GALK2: variants seen among roughly 807,000 people sequenced by gnomAD.
GALK2 encodes the protein N-acetylgalactosamine kinase.
GALK2 carries 36 observed loss-of-function variants against 52.4 expected under a neutral mutation model. That is an observed-to-expected ratio of 0.69 (90% CI 0.53 to 0.91). The LOEUF (loss-of-function observed/expected upper bound fraction) is 0.91, where lower values mean the gene tolerates loss of function less well. GALK2 is among the 40% of genes least tolerant of loss of function. The probability of loss-of-function intolerance (pLI) is 0.00; values close to 1 mark genes in which losing one functional copy is unlikely to be tolerated. For missense variants in GALK2, 579 were observed against 559.1 expected, an observed-to-expected ratio of 1.04 and a Z score of -0.36; for synonymous variants, 176 against 199.1, an observed-to-expected ratio of 0.88 and a Z score of 0.98.
intron 9 of GALK2, among the ~76,000 whole-genome samples, chr15:49,326,255 A>ATT (rs35381509): frequency 0.025 from 2,520 of 100,536 alleles, 28 homozygotes; most frequent in East Asian, 0.044. Context: ...TATGACAACC[A>ATT]TTTTTTTTTT....
upstream of GALK2, among the ~76,000 whole-genome samples, chr15:49,165,351 G>T (rs2084785020): frequency 1.3e-5 from 2 of 151,932 alleles, no homozygotes; most frequent in African/African-American, 4.9e-5. Context: ...TTTTTTAGAA[G>T]AGGAATTTCA....
At chr15:49,267,225 G>T (rs779619007) in intron 5 of GALK2, among the ~76,000 whole-genome samples, 15 of 152,120 alleles carry the variant, frequency 9.9e-5, no homozygotes, top group Non-Finnish European at 1.5e-4. Context: ...GCCAGTGAAT[G>T]GGAAATTAAA....
intron 8 of GALK2, among the ~76,000 whole-genome samples, chr15:49,292,875 C>CT (rs1439813984): frequency 6.6e-6 from 1 of 152,102 alleles, no homozygotes; most frequent in Non-Finnish European, 1.5e-5. Context: ...ACTGCTCTAA[C>CT]TCTGTGAAAC....
Position 49,328,125 on chromosome 15 carries a change from C to T in GALK2, c.1343C>T (p.Pro448Leu). ...AAGCAAAGTTTGTTTGCTACCAAAC[C>T]TGGAGGTGGGGCTTTGGTTTTGCTT... is the stretch of plus-strand genomic sequence containing the variant. The part of the protein sequence containing the change: ...PEKQSLFATK[P>L]GGGALVLLEA Residue 448 changes from proline (P) to leucine (L), a missense_variant, in exon 10 of 10, where the codon CCT becomes CTT. Pro to Leu is a moderately conservative substitution (Grantham distance 98, BLOSUM62 -3). Coordinates refer to ENST00000560031, the MANE Select transcript of GALK2 (RefSeq NM_002044.4). 2 of 1,613,986 alleles carry T rather than the reference C, an allele frequency of 1.2e-6. No homozygotes were observed.
intron 4 of GALK2, among the ~76,000 whole-genome samples, chr15:49,236,960 C>T (rs944623852): frequency 6.6e-6 from 1 of 152,008 alleles, no homozygotes; most frequent in Non-Finnish European, 1.5e-5. Flanking sequence ...TTTGTGTTTT[C>T]CTTTCTCTCA....
At chr15:49,259,103 A>G (rs564457868) in intron 5 of GALK2, among the ~76,000 whole-genome samples, 14 of 151,598 alleles carry the variant, frequency 9.2e-5, no homozygotes, top group Non-Finnish European at 1.9e-4. Flanking sequence ...ACATATATAT[A>G]TATGTATACT....
At chr15:49,336,395 A>G (rs1262636731), downstream of GALK2, among the ~76,000 whole-genome samples, 11 of 152,218 alleles carry the variant, frequency 7.2e-5, no homozygotes, top group African/African-American at 2.4e-4. Flanking sequence ...ATTGGCCAAT[A>G]TTAGCAAGGA....
intron 3 of GALK2, among the ~76,000 whole-genome samples, chr15:49,363,964 C>G (rs1261446618): frequency 6.6e-6 from 1 of 152,116 alleles, no homozygotes; most frequent in Non-Finnish European, 1.5e-5. Context: ...AGAGGTAAAG[C>G]CTACTTTGTC....
At position 49,331,863 on chromosome 15, in the gene GALK2, A is replaced by C. The variant is rs772044819; in HGVS notation, c.*3704A>C. ...TTTGCTTGGAGTCTAATCATGGAATAAAGAAAATCAGTAACCAAACTAATT... is the reference window on the plus strand; with the variant it reads ...TTTGCTTGGAGTCTAATCATGGAATCAAGAAAATCAGTAACCAAACTAATT... On this transcript the variant is annotated 3_prime_UTR_variant, in exon 10 of 10. Coordinates refer to ENST00000560031, the MANE Select transcript of GALK2 (RefSeq NM_002044.4). The C allele has an allele frequency of 7.4e-5, 114 of 1,548,194 alleles. No homozygotes were observed. Among genetic ancestry groups the C allele is most frequent in the Non-Finnish European group, 9.5e-5 (106 of 1,120,302 alleles).
At chr15:49,157,139 A>G (rs1254990092) in intron 1 of GALK2, among the ~76,000 whole-genome samples, 1 of 152,236 alleles carries the variant, frequency 6.6e-6, no homozygotes, top group African/African-American at 2.4e-5. Flanking sequence ...TAGACACATC[A>G]TACCAACTTT....
intron 8 of GALK2, among the ~76,000 whole-genome samples, chr15:49,313,937 A>G (rs920545912): frequency 2.6e-5 from 4 of 152,362 alleles, no homozygotes; most frequent in South Asian, 2.1e-4. Context: ...CCTTGCATGC[A>G]TAGGTTAAAT....
chr15:49,188,561 C>CT (rs1365371356), intron 1 of GALK2, among the ~76,000 whole-genome samples: 1 of 152,210 alleles, frequency 6.6e-6, no homozygotes, highest in Non-Finnish European at 1.5e-5. Flanking sequence ...TTCAGTATCT[C>CT]TTTCCTTGAC....
rs538678438 is a variant in GALK2 at position 49,246,100 on chromosome 15, C to G, written c.504+6733C>G. The stretch of plus-strand genomic sequence containing the variant: ...TGAACATTCTATGAAGTTTGGGTAT[C>G]AAAAATCTTTCGCCAAGAAAATGTT... On this transcript the variant is annotated intron_variant, in intron 5 of 9. Coordinates refer to ENST00000560031, the MANE Select transcript of GALK2 (RefSeq NM_002044.4). Among the ~76,000 whole-genome samples, 27 of 152,184 alleles carry G rather than the reference C, an allele frequency of 1.8e-4. No individual in the cohort carries two copies. The East Asian group carries it at 4.6e-3, about 26-fold the overall frequency.
At chr15:49,170,101 C>T (rs2084961675), upstream of GALK2, 1 of 1,058,162 alleles carries the variant, frequency 9.5e-7, no homozygotes, top group African/African-American at 1.6e-5. Flanking sequence ...GGAGGCTGTA[C>T]CTGACTGCTG....
rs142501722 is a variant in GALK2, at chr15:49,292,048, C to CA, written c.757-269dup. Among the ~76,000 whole-genome samples, 1,278 of 146,128 alleles carry CA rather than the reference C, an allele frequency of 8.7e-3. 16 individuals are homozygous for CA. Among genetic ancestry groups the CA allele is most frequent in the African/African-American group, 0.03 (1,210 of 39,934 alleles). ...GCCCTGAGGGAAAGTGGTGACAGGC[C>CA]AAAAAAAAAATCAGTGAGAGATTAG... On this transcript the variant is annotated intron_variant, in intron 7 of 9. Transcript: ENST00000560031.
chr15:49,243,016 G>C (rs895511033), intron 5 of GALK2, among the ~76,000 whole-genome samples: 1 of 152,176 alleles, frequency 6.6e-6, no homozygotes, highest in Non-Finnish European at 1.5e-5. Flanking sequence ...TGACTTAGGC[G>C]AATGGAGAAA....
In GALK2 at chr15:49,329,763, T is replaced by C. The variant is rs1450461825; in HGVS notation, c.*1604T>C. On this transcript the variant is annotated 3_prime_UTR_variant, in exon 10 of 10. Transcript: ENST00000560031. Reference sequence around the variant, plus strand: ...ATACCGTGCCATTTTCCACAAAGGATTTGTGGTTGGTATATAATTCTTTAA... The same window carrying C: ...ATACCGTGCCATTTTCCACAAAGGACTTGTGGTTGGTATATAATTCTTTAA... 3.1e-6 allele frequency: 3 copies of C among 970,902 alleles called. No homozygotes were observed. The East Asian group carries it at 3.4e-4, about 112-fold the overall frequency. The allele number at this position is 970,902 out of a possible 1,614,324, so 60.1% of individuals were successfully genotyped here.
chr15:49,248,494 G>A (rs539359329), intron 5 of GALK2, among the ~76,000 whole-genome samples: 1 of 152,284 alleles, frequency 6.6e-6, no homozygotes, highest in East Asian at 1.9e-4. Flanking sequence ...TCTTAATTAG[G>A]TGTTGAACAT....
intron 3 of GALK2, among the ~76,000 whole-genome samples, chr15:49,342,292 C>CT (rs1397057295): frequency 1.3e-5 from 2 of 151,996 alleles, no homozygotes; most frequent in African/African-American, 2.4e-5. Context: ...TACCCTTTGT[C>CT]TTTTTTTGAC....
Sources: gnomAD v4.1 joint callset for allele counts (sites outside exome capture counted in the v4.1 genomes callset) on GRCh38, gnomAD v4.1.1 for gene constraint, MANE v1.5 for transcripts, NCBI Gene and HGNC (gene_info 2026-07-23, HGNC 2026-07-21) for gene names.